CHST15: variants seen among roughly 807,000 people sequenced by gnomAD.
CHST15 encodes the protein B cell RAG associated protein (GALNAC4S-6ST).
CHST15 carries 30 observed loss-of-function variants against 53.6 expected under a neutral mutation model. The ratio of observed to expected loss-of-function variants is 0.56; its 90% CI spans 0.42 to 0.76. The LOEUF (loss-of-function observed/expected upper bound fraction) is 0.76, where lower values mean the gene tolerates loss of function less well. Among genes scored for constraint, CHST15 ranks in the 30% least tolerant of loss-of-function variants. The pLI, the probability that CHST15 is intolerant of heterozygous loss-of-function variation, is 0.00. For missense variants in CHST15, 627 were observed against 740.5 expected (o/e 0.85, Z 1.78); for synonymous variants, 296 against 289.8 (o/e 1.02, Z -0.22).
At position 124,076,676 on chromosome 10, in the gene CHST15, G is replaced by A. The variant is rs891846091; in HGVS notation, c.-513+16793C>T. Among the ~76,000 whole-genome samples the A allele has an allele frequency of 3.3e-5, 5 of 151,862 alleles. No individual in the cohort carries two copies. In the South Asian group the frequency reaches 1.0e-3, roughly 32 times the overall value. The stretch of plus-strand genomic sequence containing the variant: ...TGCTCAGAAACACCCTATACAGAAT[G>A]TATTGTTCTGCTTTCCCTATTTTTA... On this transcript the variant is annotated intron_variant, in intron 1 of 7. Transcript: ENST00000435907.
chr10:124,023,316 C>G (rs1590198894), intron 5 of CHST15, among the ~76,000 whole-genome samples: 1 of 151,664 alleles, frequency 6.6e-6, no homozygotes, highest in Non-Finnish European at 1.5e-5. Context: ...GAAACCTTGT[C>G]TCTACTAAAA....
At chr10:124,029,590 C>G (rs1947142178) in intron 5 of CHST15, among the ~76,000 whole-genome samples, 1 of 152,222 alleles carries the variant, frequency 6.6e-6, no homozygotes, top group Non-Finnish European at 1.5e-5. Context: ...CCTGACATCT[C>G]CGAGCCTGGC....
chr10:124,021,110 A>G (rs1306783902), intron 6 of CHST15, 146 bp downstream of exon 6: 1 of 1,501,672 alleles, frequency 6.7e-7, no homozygotes, highest in East Asian at 2.5e-5. Context: ...ATCCATGAAT[A>G]ATGGGGAACA....
Position 124,021,341 on chromosome 10 carries a change from T to A in CHST15, c.1262A>T (p.Glu421Val), listed in dbSNP as rs772538245. Residue 421 changes from glutamate to valine, a missense_variant, in exon 6 of 8, where the codon GAA (glutamate) becomes GTA (valine). By Grantham distance (121) the Glu-to-Val change is moderately radical (BLOSUM62 -2). Coordinates refer to ENST00000435907, the MANE Select transcript of CHST15 (RefSeq NM_001270764.2). The part of the protein sequence containing the change: ...SADDFHEKVT[E>V]ALQLFENCML... The stretch of plus-strand genomic sequence containing the variant: ...GCAATTTTCAAACAGCTGCAGTGCT[T>A]CTGTCACTTTCTCATGGAAGTCGTC... 3.1e-6 allele frequency: 5 copies of A among 1,613,958 alleles called. No homozygotes were observed. Among genetic ancestry groups the A allele is most frequent in the Non-Finnish European group, 4.2e-6 (5 of 1,180,022 alleles).
chr10:124,038,093 GTTTGTT>G (rs1340452668), intron 5 of CHST15, among the ~76,000 whole-genome samples: 2 of 150,568 alleles, frequency 1.3e-5, no homozygotes, highest in Non-Finnish European at 3.0e-5. Flanking sequence ...GTTTATTTTT[GTTTGTT>G]TTTATTTTAT....
At chr10:124,020,471 C>T (rs1946735050) in intron 6 of CHST15, 1 of 985,416 alleles carries the variant, frequency 1.0e-6, no homozygotes, top group Non-Finnish European at 1.2e-6. Flanking sequence ...CTCCCAGATC[C>T]CACGGCCTCT....
intron 1 of CHST15, among the ~76,000 whole-genome samples, chr10:124,070,773 C>T (rs1948888228): frequency 6.6e-6 from 1 of 152,096 alleles, no homozygotes; most frequent in Admixed American, 6.6e-5. Flanking sequence ...AGCTGCATCT[C>T]GCAGGCTGGT....
rs1025009113 is a variant in CHST15 at position 124,019,474 on chromosome 10, G to C, written c.1347+1782C>G. ...TTCTCCGAGACCCTGTGTCCCCTGTGACGGTGGCCACAGAGCCATTGAGTC... is the reference window on the plus strand; with the variant it reads ...TTCTCCGAGACCCTGTGTCCCCTGTCACGGTGGCCACAGAGCCATTGAGTC... On this transcript the variant is annotated intron_variant, in intron 6 of 7. Transcript: ENST00000435907. The surrounding 1 kb of genome is among the most constrained non-coding windows in gnomAD (Gnocchi z 4.6). Among the ~76,000 whole-genome samples, 2 of 152,146 alleles carry C rather than the reference G, an allele frequency of 1.3e-5. No individual in the cohort carries two copies. Among genetic ancestry groups the C allele is most frequent in the African/African-American group, 4.8e-5 (2 of 41,438 alleles).
chr10:124,011,720 T>C, intron 7 of CHST15: 1 of 985,354 alleles, frequency 1.0e-6, no homozygotes, highest in Non-Finnish European at 1.2e-6. Context: ...GGGGGGCTGG[T>C]ATCCACAGGC....
intron 1 of CHST15, among the ~76,000 whole-genome samples, chr10:124,060,100 G>T (rs1288930064): frequency 6.6e-6 from 1 of 152,004 alleles, no homozygotes; most frequent in Non-Finnish European, 1.5e-5. Flanking sequence ...GCAGAGGTGT[G>T]CCAGCCCCCA....
intron 5 of CHST15, among the ~76,000 whole-genome samples, chr10:124,034,112 G>T (rs908270950): frequency 6.6e-6 from 1 of 152,138 alleles, no homozygotes; most frequent in Admixed American, 6.5e-5. Context: ...GCACTGGGTC[G>T]CCACTGTTGT....
At chr10:124,073,101 A>G (rs997518494) in intron 1 of CHST15, among the ~76,000 whole-genome samples, 4 of 152,188 alleles carry the variant, frequency 2.6e-5, no homozygotes, top group Non-Finnish European at 5.9e-5. Flanking sequence ...CACAATTCCA[A>G]TCCTAGCTAC....
At chr10:124,011,454 GC>G in intron 7 of CHST15, 1 of 985,368 alleles carries the variant, frequency 1.0e-6, no homozygotes, top group Non-Finnish European at 1.2e-6. Flanking sequence ...GATCAAAGAG[GC>G]CCAAGTCCCA....
intron 1 of CHST15, among the ~76,000 whole-genome samples, chr10:124,092,716 C>T (rs1177122850): frequency 2.6e-5 from 4 of 152,206 alleles, no homozygotes; most frequent in Admixed American, 1.3e-4. Flanking sequence ...TTACCTGCCC[C>T]GGGCCGCGCC....
At chr10:124,081,668 A>G (rs1349290953) in intron 1 of CHST15, among the ~76,000 whole-genome samples, 3 of 152,226 alleles carry the variant, frequency 2.0e-5, no homozygotes, top group Non-Finnish European at 4.4e-5. Flanking sequence ...AAACACTTTT[A>G]TCTACCTCAT....
rs1790329206 is a variant in CHST15 at position 124,045,933 on chromosome 10, C to T, written c.280G>A (p.Ala94Thr). Residue 94 changes from alanine to threonine, a missense_variant, in exon 2 of 8, where the codon GCT becomes ACT. Around this residue, in one of 3 missense-constraint regions of CHST15, gnomAD observed 187 missense variants for 251.8 expected, o/e 0.74. Coordinates refer to ENST00000435907, the MANE Select transcript of CHST15 (RefSeq NM_001270764.2). ...TGGGCCCCAGAAAGGATGTAAGAAG[C>T]CATTACCAAGGTCATTATTATCAGT... is the stretch of plus-strand genomic sequence containing the variant. ...FGLIIMTLVM[A>T]SYILSGAHQE... 1.2e-6 allele frequency: 2 copies of T among 1,613,988 alleles called. No individual in the cohort carries two copies. Among genetic ancestry groups the T allele is most frequent in the African/African-American group, 1.3e-5 (1 of 74,980 alleles).
intron 6 of CHST15, chr10:124,020,067 C>A: frequency 1.0e-6 from 1 of 985,840 alleles, no homozygotes; most frequent in South Asian, 4.7e-5. Flanking sequence ...ATCTTCTCTC[C>A]CCGCCAGCTG....
chr10:124,034,459 T>C (rs1012303933), intron 5 of CHST15, among the ~76,000 whole-genome samples: 10 of 152,036 alleles, frequency 6.6e-5, no homozygotes, highest in African/African-American at 2.2e-4. Context: ...CTTTGTGGTG[T>C]TGGTATCCTC....
At chr10:124,029,796 AC>A (rs1410335668) in intron 5 of CHST15, among the ~76,000 whole-genome samples, 4 of 152,064 alleles carry the variant, frequency 2.6e-5, no homozygotes, top group Admixed American at 6.5e-5. Flanking sequence ...ATGTGCTGCC[AC>A]CCCCTCCTTC....
Sources: gnomAD v4.1 joint callset for allele counts (sites outside exome capture counted in the v4.1 genomes callset) on GRCh38, gnomAD v4.1.1 for gene constraint, gnomAD v4.1.1 regional missense constraint, Gnocchi (gnomAD v3.1) non-coding constraint, MANE v1.5 for transcripts, NCBI Gene and HGNC (gene_info 2026-07-23, HGNC 2026-07-21) for gene names.